Variants in FAM117A observed in about 807,000 individuals in gnomAD.
The protein encoded by FAM117A is protein FAM117A.
In FAM117A, 21 loss-of-function variants were observed where a neutral mutation model predicts 44.1. The ratio of observed to expected loss-of-function variants is 0.48; its 90% CI spans 0.34 to 0.69. FAM117A has a LOEUF of 0.69. Among genes scored for constraint, FAM117A ranks in the 30% least tolerant of loss-of-function variants. FAM117A has a pLI of 0.01. For synonymous variants in FAM117A, 220 were observed against 238.3 expected, an observed-to-expected ratio of 0.92 and a Z score of 0.71; for missense variants, 498 against 589.9, an observed-to-expected ratio of 0.84 and a Z score of 1.61.
chr17:49,752,408 C>G (rs1314925229), intron 1 of FAM117A, among the ~76,000 whole-genome samples: 2 of 152,178 alleles, frequency 1.3e-5, no homozygotes, highest in Admixed American at 6.5e-5. Context: ...CCAGGGGTCC[C>G]TTACAGAGAG....
chr17:49,785,407 G>C (rs564134612), intron 1 of FAM117A, among the ~76,000 whole-genome samples: 2 of 152,282 alleles, frequency 1.3e-5, no homozygotes, highest in African/African-American at 4.8e-5. Flanking sequence ...AGCTACTCGG[G>C]AGGCTGACGT....
intron 1 of FAM117A, among the ~76,000 whole-genome samples, chr17:49,783,157 C>T (rs375328751): frequency 3.3e-5 from 5 of 152,212 alleles, no homozygotes; most frequent in African/African-American, 1.2e-4. Flanking sequence ...AACCCAATTA[C>T]CATTGTGGAA....
chr17:49,773,465 CAAA>C (rs969807260), intron 1 of FAM117A: 6 of 64,584 alleles, frequency 9.3e-5, no homozygotes, highest in Non-Finnish European at 1.4e-4. Context: ...AGACTCCAAC[CAAA>C]AAAAAAAAAA....
At chr17:49,730,766 C>T (rs2143729699) in intron 2 of FAM117A, among the ~76,000 whole-genome samples, 1 of 152,318 alleles carries the variant, frequency 6.6e-6, no homozygotes, top group South Asian at 2.1e-4. Context: ...GTGCCCAGGG[C>T]TCCCAGGAAG....
chr17:49,770,561 C>A (rs1208381088), intron 1 of FAM117A, among the ~76,000 whole-genome samples: 1 of 152,130 alleles, frequency 6.6e-6, no homozygotes, highest in Non-Finnish European at 1.5e-5. Context: ...GGGAATGTTT[C>A]TATGCTAGAA....
At chr17:49,766,610 T>A (rs1478145049), upstream of FAM117A, among the ~76,000 whole-genome samples, 2 of 152,252 alleles carry the variant, frequency 1.3e-5, no homozygotes, top group Non-Finnish European at 2.9e-5. Context: ...AAGCTTTTCT[T>A]GTCTGACAAC....
chr17:49,759,889 T>A (rs2073716159), intron 1 of FAM117A, among the ~76,000 whole-genome samples: 1 of 152,218 alleles, frequency 6.6e-6, no homozygotes, highest in Non-Finnish European at 1.5e-5. Flanking sequence ...CCATGACTAC[T>A]GCCAGCTCTT....
At chr17:49,786,494 G>A (rs980545852) in intron 1 of FAM117A, among the ~76,000 whole-genome samples, 1 of 152,144 alleles carries the variant, frequency 6.6e-6, no homozygotes, top group Non-Finnish European at 1.5e-5. Flanking sequence ...AGGATGGTAT[G>A]AGCCAGGCGC....
chr17:49,781,076 A>G (rs1314741559), intron 1 of FAM117A, among the ~76,000 whole-genome samples: 1 of 152,066 alleles, frequency 6.6e-6, no homozygotes, highest in Non-Finnish European at 1.5e-5. Flanking sequence ...TTGGCCTCCC[A>G]AAGTGCTGGG....
At chr17:49,777,292 G>A (rs569299416) in intron 1 of FAM117A, among the ~76,000 whole-genome samples, 4 of 152,182 alleles carry the variant, frequency 2.6e-5, no homozygotes, top group Non-Finnish European at 5.9e-5. Flanking sequence ...GAAGCAAAGA[G>A]GGAAGCCCCA....
At chr17:49,724,069 T>C (rs2073547925) in intron 2 of FAM117A, among the ~76,000 whole-genome samples, 1 of 152,164 alleles carries the variant, frequency 6.6e-6, no homozygotes, top group South Asian at 2.1e-4. Flanking sequence ...TGTCAGTATA[T>C]GGAAAGCTAC....
At chr17:49,774,484 C>T (rs926097051) in intron 1 of FAM117A, among the ~76,000 whole-genome samples, 2 of 151,852 alleles carry the variant, frequency 1.3e-5, no homozygotes, top group Admixed American at 1.3e-4. Context: ...CTCAGCCTCC[C>T]GAGTAGCTGG....
chr17:49,760,540 C>G (rs2073718759), intron 1 of FAM117A, among the ~76,000 whole-genome samples: 1 of 152,152 alleles, frequency 6.6e-6, no homozygotes, highest in South Asian at 2.1e-4. Flanking sequence ...TAGACCATAA[C>G]TGCCAATCCC....
At position 49,730,334 on chromosome 17, in the gene FAM117A, C is replaced by T. The variant is rs138037158; in HGVS notation, c.366+2217G>A. On this transcript the variant is annotated intron_variant, in intron 2 of 7. Transcript: ENST00000240364. The stretch of plus-strand genomic sequence containing the variant: ...CTCTGTCTTGCTGTGGCAAGAAGCC[C>T]AGACTTGTTATATAAAAGATCTGGC... Among the ~76,000 whole-genome samples the T allele has an allele frequency of 2.6e-5, 4 of 152,316 alleles. No homozygotes were observed. The East Asian group carries it at 7.7e-4, about 29-fold the overall frequency.
chr17:49,765,659 T>A (rs892111974), upstream of FAM117A: 3 of 152,226 alleles, frequency 2.0e-5, no homozygotes, highest in Non-Finnish European at 4.4e-5. Context: ...AACTGTTTTT[T>A]TAATTGATTG....
rs1359221671 is a variant in FAM117A at position 49,717,664 on chromosome 17, G to C, written c.759C>G (p.Gly253=). The stretch of plus-strand genomic sequence containing the variant: ...GGAGGAGGAGGGGATGATCACAGCT[G>C]CCACTCTGGGGAGGAGCTGGGGCCC... ...GHRAPAPPQS[G]SCDHPLLLLE... The change falls in exon 6 of 8, where the codon GGC becomes GGG. Residue 253 remains glycine, a synonymous_variant. Coordinates refer to ENST00000240364, the MANE Select transcript of FAM117A (RefSeq NM_030802.4). 1.2e-6 allele frequency: 2 copies of C among 1,613,758 alleles called. No homozygotes were observed. Among genetic ancestry groups the C allele is most frequent in the African/African-American group, 1.3e-5 (1 of 74,916 alleles).
chr17:49,765,619 T>G (rs1463561693), upstream of FAM117A: 2 of 152,246 alleles, frequency 1.3e-5, no homozygotes, highest in African/African-American at 2.4e-5. Flanking sequence ...CTTGCAGTTT[T>G]GAAGGATTTA....
At chr17:49,776,397 C>T (rs958423629) in intron 1 of FAM117A, among the ~76,000 whole-genome samples, 10 of 152,144 alleles carry the variant, frequency 6.6e-5, no homozygotes, top group Non-Finnish European at 1.0e-4. Context: ...CAGACCTAGA[C>T]AAGTGAGAAA....
chr17:49,761,134 C>T (rs541206911), intron 1 of FAM117A, among the ~76,000 whole-genome samples: 4 of 152,294 alleles, frequency 2.6e-5, no homozygotes, highest in African/African-American at 7.2e-5. Flanking sequence ...GAGCCCTGAG[C>T]GTTACATCAC....
Sources: allele counts gnomAD v4.1 joint callset (sites outside exome capture counted in the v4.1 genomes callset), GRCh38; gene constraint gnomAD v4.1.1; transcripts MANE v1.5; gene names NCBI Gene and HGNC (gene_info 2026-07-23, HGNC 2026-07-21).